KDM4C: variants seen among roughly 807,000 people sequenced by gnomAD.
The protein encoded by KDM4C is lysine demethylase 4C.
Under a neutral mutation model 129.3 loss-of-function variants are expected in KDM4C, and 81 were observed. The ratio of observed to expected loss-of-function variants is 0.63; its 90% confidence interval spans 0.52 to 0.75. The LOEUF (loss-of-function observed/expected upper bound fraction) is 0.75, where lower values mean the gene tolerates loss of function less well. Among genes scored for constraint, KDM4C ranks in the 30% least tolerant of loss-of-function variants. The probability of loss-of-function intolerance (pLI) is 0.00; values close to 1 mark genes in which losing one functional copy is unlikely to be tolerated. For synonymous variants in KDM4C, 573 were observed against 456.1 expected, an observed-to-expected ratio of 1.26 and a Z score of -3.26; for missense variants, 1,457 against 1,304.0, an observed-to-expected ratio of 1.12 and a Z score of -1.81.
At position 6,821,914 on chromosome 9, in the gene KDM4C, C is replaced by T. The variant is rs1588502469; in HGVS notation, c.435+7169C>T. On this transcript the variant is annotated intron_variant, in intron 4 of 21. Coordinates refer to ENST00000381309, the MANE Select transcript of KDM4C (RefSeq NM_015061.6). Reference sequence around the variant, plus strand: ...CCTCCCAAAGTGCTGGGATTATAGGCGTGAGCTGCTGTGCCCGGCTGGCCC... The same window carrying T: ...CCTCCCAAAGTGCTGGGATTATAGGTGTGAGCTGCTGTGCCCGGCTGGCCC... Among the ~76,000 whole-genome samples the T allele has an allele frequency of 2.0e-5, 3 of 152,288 alleles. No individual in the cohort carries two copies. The East Asian group carries it at 5.8e-4, about 29-fold the overall frequency.
intron 8 of KDM4C, among the ~76,000 whole-genome samples, chr9:6,900,024 G>A (rs145165781): frequency 6.6e-6 from 1 of 152,138 alleles, no homozygotes; most frequent in Non-Finnish European, 1.5e-5. Context: ...CTAGTTTCTT[G>A]TAGTTAAATA....
chr9:6,850,467 A>G (rs1005668727), intron 5 of KDM4C, among the ~76,000 whole-genome samples: 2 of 151,596 alleles, frequency 1.3e-5, no homozygotes, highest in Non-Finnish European at 2.9e-5. Flanking sequence ...TTTTTTTGAG[A>G]TGAAGTCTTG....
intron 9 of KDM4C, chr9:6,981,748 T>TG (rs1166673308): frequency 5.5e-6 from 1 of 181,848 alleles, no homozygotes; most frequent in Non-Finnish European, 1.4e-5. Context: ...TGTGTGGTGT[T>TG]GCTCAGGTCC....
chr9:6,746,896 C>T (rs1461336185), intron 1 of KDM4C, among the ~76,000 whole-genome samples: 1 of 147,946 alleles, frequency 6.8e-6, no homozygotes, highest in East Asian at 2.1e-4. Flanking sequence ...GTCCCAGCTA[C>T]TCGGGAGGCT....
intron 8 of KDM4C, among the ~76,000 whole-genome samples, chr9:6,947,066 C>T (rs1460528208): frequency 1.3e-5 from 2 of 152,072 alleles, no homozygotes; most frequent in Non-Finnish European, 2.9e-5. Flanking sequence ...AAATGTCGTA[C>T]TTTTGTAAAT....
At chr9:7,143,327 A>AC (rs1284090041) in intron 19 of KDM4C, among the ~76,000 whole-genome samples, 1 of 152,256 alleles carries the variant, frequency 6.6e-6, no homozygotes, top group Non-Finnish European at 1.5e-5. Flanking sequence ...ATATTAATTG[A>AC]CCAACTATTC....
chr9:6,992,226 C>A (rs186376731), intron 12 of KDM4C, among the ~76,000 whole-genome samples: 246 of 152,274 alleles, frequency 1.6e-3, no homozygotes, highest in African/African-American at 5.6e-3. Flanking sequence ...GAGAAAGCTG[C>A]TTTCTCCTGT....
At chr9:7,115,884 C>G (rs1357355200) in intron 18 of KDM4C, among the ~76,000 whole-genome samples, 1 of 152,228 alleles carries the variant, frequency 6.6e-6, no homozygotes, top group East Asian at 1.9e-4. Flanking sequence ...TTCTCACATA[C>G]AAGTCAATAC....
chr9:6,799,203 C>T (rs1487105186), intron 2 of KDM4C, among the ~76,000 whole-genome samples: 2 of 152,184 alleles, frequency 1.3e-5, no homozygotes, highest in African/African-American at 4.8e-5. Context: ...CTTTGGGAGG[C>T]CAAGGCAGGC....
intron 2 of KDM4C, among the ~76,000 whole-genome samples, chr9:6,799,160 G>T (rs550951690): frequency 6.6e-6 from 1 of 152,072 alleles, no homozygotes; most frequent in East Asian, 1.9e-4. Flanking sequence ...TCCCAGACGG[G>T]GTGGCGGCCG....
At chr9:6,819,138 A>C (rs893933851) in intron 4 of KDM4C, 1 of 152,214 alleles carries the variant, frequency 6.6e-6, no homozygotes, top group Non-Finnish European at 1.5e-5. Context: ...ATATATGATT[A>C]AGAGTTAGAA....
At chr9:6,919,251 C>CTTTCTTTCT (rs1820950146) in intron 8 of KDM4C, among the ~76,000 whole-genome samples, 17 of 55,962 alleles carry the variant, frequency 3.0e-4, no homozygotes, top group African/African-American at 1.2e-3. Flanking sequence ...TCTTTCTTTT[C>CTTTCTTTCT]TTTCTTTCTT....
intron 18 of KDM4C, among the ~76,000 whole-genome samples, chr9:7,122,445 G>A (rs1021208845): frequency 3.9e-5 from 6 of 152,128 alleles, no homozygotes; most frequent in Non-Finnish European, 7.4e-5. Context: ...GGGACACAGA[G>A]CCAAACCATA....
rs545867692 is a variant in KDM4C, at chr9:7,064,116, C to G, written c.2424+14916C>G. Among the ~76,000 whole-genome samples the G allele has an allele frequency of 5.9e-5, 9 of 152,258 alleles. No homozygotes were observed. The South Asian group carries it at 1.7e-3, about 28-fold the overall frequency. ...GCAGCTACATTTAAAAACTGAAGCA[C>G]TTTAGATACAACTATAGTTTTGGTA... On this transcript the variant is annotated intron_variant, in intron 17 of 21. Transcript: ENST00000381309.
intron 19 of KDM4C, among the ~76,000 whole-genome samples, chr9:7,132,155 A>G (rs1840712355): frequency 6.6e-6 from 1 of 152,226 alleles, no homozygotes; most frequent in African/African-American, 2.4e-5. Context: ...TATCAAGTTT[A>G]ATCATCCCAA....
chr9:7,154,562 G>C (rs1842985987), intron 19 of KDM4C, among the ~76,000 whole-genome samples: 1 of 152,174 alleles, frequency 6.6e-6, no homozygotes, highest in Non-Finnish European at 1.5e-5. Flanking sequence ...AGTGACTTCA[G>C]AATTCAGGTA....
At chr9:6,840,688 C>T (rs910162520) in intron 4 of KDM4C, among the ~76,000 whole-genome samples, 5 of 152,212 alleles carry the variant, frequency 3.3e-5, no homozygotes, top group Admixed American at 6.5e-5. Flanking sequence ...TGAGCCACCG[C>T]ATCCAGCCCT....
chr9:7,122,267 T>TACACACA (rs1839585850), intron 18 of KDM4C, among the ~76,000 whole-genome samples: 1 of 116,494 alleles, frequency 8.6e-6, no homozygotes, highest in South Asian at 2.7e-4. Flanking sequence ...ACACACACAC[T>TACACACA]CTCTCTCTCT....
intron 8 of KDM4C, among the ~76,000 whole-genome samples, chr9:6,972,520 C>T (rs1334547031): frequency 6.6e-6 from 1 of 152,084 alleles, no homozygotes; most frequent in Non-Finnish European, 1.5e-5. Flanking sequence ...AAATTATCTG[C>T]TTAGGAAAAT....
Sources: allele counts gnomAD v4.1 joint callset (sites outside exome capture counted in the v4.1 genomes callset), GRCh38; gene constraint gnomAD v4.1.1; transcripts MANE v1.5; gene names NCBI Gene and HGNC (gene_info 2026-07-23, HGNC 2026-07-21).